COL12A1: variants seen among roughly 807,000 people sequenced by gnomAD.
COL12A1 encodes the protein collagen alpha-1(XII) chain.
COL12A1 carries 114 observed loss-of-function variants against 349.7 expected under a neutral mutation model. The ratio of observed to expected loss-of-function variants is 0.33; its 90% CI spans 0.28 to 0.38. The LOEUF (loss-of-function observed/expected upper bound fraction) is 0.38, where lower values mean the gene tolerates loss of function less well. COL12A1 is among the 10% of genes least tolerant of loss of function. The pLI is 1.00. For synonymous variants in COL12A1, 1,369 were observed against 1,329.0 expected, an observed-to-expected ratio of 1.03 and a Z score of -0.66; for missense variants, 3,284 against 3,756.9, an observed-to-expected ratio of 0.87 and a Z score of 3.29.
intron 58 of COL12A1, among the ~76,000 whole-genome samples, 176 bp downstream of exon 58, chr6:75,101,422 CAA>C (rs1768296716): frequency 6.6e-6 from 1 of 152,176 alleles, no homozygotes; most frequent in Non-Finnish European, 1.5e-5. Context: ...CACTTTATTT[CAA>C]AGACCTTGAG....
chr6:75,094,233 A>G (rs1253660931), intron 60 of COL12A1, among the ~76,000 whole-genome samples: 1 of 152,150 alleles, frequency 6.6e-6, no homozygotes, highest in Non-Finnish European at 1.5e-5. Flanking sequence ...GGTTTGTAAA[A>G]TTTGAACAAT....
intron 13 of COL12A1, among the ~76,000 whole-genome samples, chr6:75,171,314 C>T (rs779083908): frequency 1.3e-5 from 2 of 152,166 alleles, no homozygotes; most frequent in African/African-American, 2.4e-5. Context: ...GATTCTATTG[C>T]ATACAGTACT....
chr6:75,086,464 T>G lies in COL12A1; in HGVS notation c.*83A>C. 1 of 1,296,410 alleles carries G rather than the reference T, an allele frequency of 7.7e-7. No homozygotes were observed. The highest frequency in any genetic ancestry group is 1.1e-6 in the Non-Finnish European group (1 of 924,002). The allele number at this position is 1,296,410 out of a possible 1,614,324, so 80.3% of individuals were successfully genotyped here. A position where few individuals can be genotyped will look rare whatever the true frequency, so the allele number is the denominator to read the frequency against. ...GAGATTTCCATACAGACTCATTTCC[T>G]AATAAGCACGTGCGCAAACATCTCA... On this transcript the variant is annotated 3_prime_UTR_variant, in exon 66 of 66. Transcript: ENST00000322507.
Position 75,148,414 on chromosome 6 carries a change from T to C in COL12A1, c.4231A>G (p.Ser1411Gly), listed in dbSNP as rs1385334403. Reference sequence around the variant, plus strand: ...TATTCCACCTTATATCGATCCACACTGTCAGAAGGTGGTGTCCAGCTCACT... The same window carrying C: ...TATTCCACCTTATATCGATCCACACCGTCAGAAGGTGGTGTCCAGCTCACT... ...FRVSWTPPSD[S>G]VDRYKVEYYP... The change falls in exon 22 of 66, where the codon AGT (serine) becomes GGT (glycine). Residue 1411 changes from serine to glycine, a missense_variant. By Grantham distance (56) the Ser-to-Gly change is moderately conservative. This residue lies in a region of COL12A1 where 2,601 missense variants were observed against 2,824.8 expected (regional missense o/e 0.92). Transcript: ENST00000322507. 8 of 1,613,406 alleles carry C rather than the reference T, an allele frequency of 5.0e-6. No individual in the cohort carries two copies. The African/African-American group carries it at 8.0e-5, about 16-fold the overall frequency.
chr6:75,143,248 C>A lies in COL12A1; in HGVS notation c.4827+4G>T, dbSNP rs1767002387. The A allele has an allele frequency of 6.2e-7, 1 of 1,613,448 alleles. No individual in the cohort carries two copies. ...TTTCATATCTACTATCATCTTCAAC[C>A]TACCTCTTTGACATCCTCTTCTGGT... On this transcript the variant is annotated splice_donor_region_variant and intron_variant, in intron 26 of 65. Coordinates refer to ENST00000322507, the MANE Select transcript of COL12A1 (RefSeq NM_004370.6).
At chr6:75,148,030 A>G in intron 22 of COL12A1, among the ~76,000 whole-genome samples, 1 of 152,212 alleles carries the variant, frequency 6.6e-6, no homozygotes, top group Non-Finnish European at 1.5e-5. Context: ...AAAATAGATC[A>G]TCTTCAATGT....
At chr6:75,130,768 C>A in intron 36 of COL12A1, 84 bp downstream of exon 36, 1 of 1,554,008 alleles carries the variant, frequency 6.4e-7, no homozygotes, top group Admixed American at 1.8e-5. Flanking sequence ...CTCTCACCAC[C>A]CCCCTCCCAC....
chr6:75,139,455 A>G (rs747803603), intron 27 of COL12A1, among the ~76,000 whole-genome samples: 1 of 152,200 alleles, frequency 6.6e-6, no homozygotes, highest in South Asian at 2.1e-4. Flanking sequence ...TTTATTGTTC[A>G]TAATTTGTTG....
At chr6:75,115,515 A>G (rs1769031566) in intron 49 of COL12A1, among the ~76,000 whole-genome samples, 1 of 152,162 alleles carries the variant, frequency 6.6e-6, no homozygotes, top group Admixed American at 6.6e-5. Context: ...CAGCTTTTCT[A>G]GCCTTAAATT....
chr6:75,150,229 T>C (rs774700364), intron 21 of COL12A1, among the ~76,000 whole-genome samples: 3 of 152,214 alleles, frequency 2.0e-5, no homozygotes, highest in Admixed American at 6.5e-5. Context: ...ATTTTTATCA[T>C]TAATTTTCAA....
At chr6:75,202,392 T>A (rs1228722002) in intron 2 of COL12A1, among the ~76,000 whole-genome samples, 1 of 152,200 alleles carries the variant, frequency 6.6e-6, no homozygotes, top group Non-Finnish European at 1.5e-5. Flanking sequence ...GTTGCGCTGA[T>A]TAGAGCCGTC....
At chr6:75,202,288 T>C (rs1429365564) in intron 2 of COL12A1, among the ~76,000 whole-genome samples, 1 of 152,076 alleles carries the variant, frequency 6.6e-6, no homozygotes, top group African/African-American at 2.4e-5. Flanking sequence ...GTCACCGAGG[T>C]CGCAGCCCCG....
At position 75,119,083 on chromosome 6, in the gene COL12A1, C is replaced by T; in HGVS notation, c.7314G>A (p.Gln2438=). Residue 2438 remains glutamine, a synonymous_variant, in exon 46 of 66, where the codon CAG becomes CAA. Coordinates refer to ENST00000322507, the MANE Select transcript of COL12A1 (RefSeq NM_004370.6). ...VLVVVTDGRS[Q]DEVKKAALVI... The stretch of plus-strand genomic sequence containing the variant: ...CCAAAGCCGCCTTCTTGACCTCATC[C>T]TGGGACCGACCGTCCGTGACCACAA... 6.2e-7 allele frequency: 1 copy of T among 1,613,988 alleles called. No homozygotes were observed. The highest frequency in any genetic ancestry group is 8.5e-7 in the Non-Finnish European group (1 of 1,179,904).
chr6:75,091,875 G>A (rs766035210), intron 60 of COL12A1, among the ~76,000 whole-genome samples: 7 of 152,178 alleles, frequency 4.6e-5, no homozygotes, highest in African/African-American at 1.4e-4. Context: ...CCCTTGTACC[G>A]CCATACTTTG....
In COL12A1 at chr6:75,102,048, C is replaced by T. The variant is rs186328815; in HGVS notation, c.8420G>A (p.Arg2807His). 88 of 1,614,016 alleles carry T rather than the reference C, an allele frequency of 5.5e-5. No homozygotes were observed. The highest frequency in any genetic ancestry group is 2.5e-4 in the Admixed American group (15 of 60,016). ...NGLSIPGEQG[R>H]QGMKGDAGEP... is the part of the protein sequence containing the mutation. ...TCCAGCATCACCTTTCATCCCTTGGCGACCCTAGAGTGAGCAATGGGAAAA... is the reference window on the plus strand; with the variant it reads ...TCCAGCATCACCTTTCATCCCTTGGTGACCCTAGAGTGAGCAATGGGAAAA... Residue 2807 changes from arginine (R) to histidine (H), a missense_variant, in exon 57 of 66, where the codon CGC (arginine) becomes CAC (histidine). Coordinates refer to ENST00000322507, the MANE Select transcript of COL12A1 (RefSeq NM_004370.6).
At chr6:75,202,626 G>T in intron 2 of COL12A1, 94 bp downstream of exon 2, 1 of 1,263,832 alleles carries the variant, frequency 7.9e-7, no homozygotes, top group Admixed American at 2.2e-5. Context: ...GAAGCGCAGG[G>T]AAAACAGAGC....
chr6:75,113,638 T>C lies in COL12A1; in HGVS notation c.7804A>G (p.Arg2602Gly), dbSNP rs1263587165. 9 of 1,610,338 alleles carry C rather than the reference T, an allele frequency of 5.6e-6. No homozygotes were observed. Among genetic ancestry groups the C allele is most frequent in the African/African-American group, 1.3e-5 (1 of 74,800 alleles). ...ACTCCAACTTGTGGTTTGTAGTCTCTGTCTGTGATTTGCCAAATTGCAAAA... is the reference window on the plus strand; with the variant it reads ...ACTCCAACTTGTGGTTTGTAGTCTCCGTCTGTGATTTGCCAAATTGCAAAA... ...DPFAIWQITD[R>G]DYKPQVGVIA... is the part of the protein sequence containing the mutation. The change falls in exon 50 of 66, where the codon AGA (arginine) becomes GGA (glycine). Residue 2602 changes from arginine to glycine, a missense_variant. This residue lies in a region of COL12A1 where 683 missense variants were observed against 932.1 expected (regional missense o/e 0.73). Transcript: ENST00000322507.
chr6:75,099,406 C>T (rs1768198630), intron 58 of COL12A1, among the ~76,000 whole-genome samples: 1 of 152,178 alleles, frequency 6.6e-6, no homozygotes, highest in Admixed American at 6.5e-5. Context: ...TTCTTCCACC[C>T]AAGTTTCTCC....
intron 56 of COL12A1, 121 bp downstream of exon 56, chr6:75,102,476 C>A (rs139336999): frequency 3.1e-6 from 2 of 645,300 alleles, no homozygotes; most frequent in Non-Finnish European, 4.8e-6. Context: ...GCTGCTATCT[C>A]GGTGACTAAC....
Sources: allele counts gnomAD v4.1 joint callset (sites outside exome capture counted in the v4.1 genomes callset), GRCh38; gene constraint gnomAD v4.1.1; regional missense constraint gnomAD v4.1.1; transcripts MANE v1.5; gene names NCBI Gene and HGNC (gene_info 2026-07-23, HGNC 2026-07-21).